TMEM230: variants seen among roughly 807,000 people sequenced by gnomAD.
TMEM230 encodes UPF0414 transmembrane protein C20orf30.
Under a neutral mutation model 15.8 loss-of-function variants are expected in TMEM230, and 10 were observed. The ratio of observed to expected loss-of-function variants is 0.63; its 90% CI spans 0.39 to 1.07. The LOEUF (loss-of-function observed/expected upper bound fraction) is 1.07. Ranked by LOEUF, TMEM230 falls within the 50% of genes least tolerant of loss-of-function variation. The probability of loss-of-function intolerance (pLI) is 0.01; values close to 1 mark genes in which losing one functional copy is unlikely to be tolerated. For synonymous variants in TMEM230, 67 were observed against 76.9 expected, an observed-to-expected ratio of 0.87 and a Z score of 0.68; for missense variants, 165 against 193.3, an observed-to-expected ratio of 0.85 and a Z score of 0.87.
intron 3 of TMEM230, among the ~76,000 whole-genome samples, chr20:5,077,924 T>C (rs2089053758): frequency 6.6e-6 from 1 of 151,910 alleles, no homozygotes; most frequent in African/African-American, 2.4e-5. Flanking sequence ...ACTATGATGG[T>C]AGTGAGTATT....
chr20:5,075,995 G>GC (rs1354851563), intron 3 of TMEM230, among the ~76,000 whole-genome samples: 1 of 151,898 alleles, frequency 6.6e-6, no homozygotes, highest in Non-Finnish European at 1.5e-5. Context: ...TGTGGTACTA[G>GC]CTACTTGTGG....
chr20:5,099,431 G>T (rs1159161972), downstream of TMEM230, among the ~76,000 whole-genome samples: 2 of 151,394 alleles, frequency 1.3e-5, no homozygotes, highest in African/African-American at 2.4e-5. Context: ...TAATCTTGGA[G>T]GCTGCTTCAG....
intron 3 of TMEM230, among the ~76,000 whole-genome samples, chr20:5,088,301 T>C: frequency 7.4e-6 from 1 of 134,462 alleles, no homozygotes. Context: ...GGAGGGAGAC[T>C]CTGTCTCAAA....
rs11287185 is a variant in TMEM230, at chr20:5,086,706, CTT to C, written c.223-17359_223-17358del. Among the ~76,000 whole-genome samples, 1,059 of 145,204 alleles carry C rather than the reference CTT, an allele frequency of 7.3e-3. 10 individuals carry two copies. Among genetic ancestry groups the C allele is most frequent in the African/African-American group, 0.025 (983 of 39,450 alleles). ...AATAAACAATTATTTATCTTTTTAT[CTT>C]TTTTTTTTTGAGGTAGGGTCTTGCT... On this transcript the variant is annotated intron_variant, in intron 3 of 3. Coordinates refer to the TMEM230 transcript ENST00000612323.
In TMEM230 at chr20:5,112,946, GCA is replaced by G. The variant is rs1419731609; in HGVS notation, c.68+13_68+14del. 2.4e-5 allele frequency: 37 copies of G among 1,549,740 alleles called. No individual in the cohort carries two copies. The Middle Eastern group carries it at 8.3e-4, about 35-fold the overall frequency. ...AGGACGGTTCTGTCCCCGCCCTGCC[GCA>G]CACACGCCTTACCGGAGCGCCGCGC... On this transcript the variant is annotated intron_variant, in intron 1 of 4. Coordinates refer to ENST00000342308, the MANE Select transcript of TMEM230 (RefSeq NM_001009923.2).
chr20:5,064,331 C>T (rs563483601), downstream of TMEM230, among the ~76,000 whole-genome samples: 2 of 151,446 alleles, frequency 1.3e-5, no homozygotes, highest in South Asian at 4.2e-4. Context: ...AATCCCAGCA[C>T]TTTGGGAGGC....
rs1380582336 is a variant in TMEM230 at position 5,100,646 on chromosome 20, T to C, written c.*145A>G. On this transcript the variant is annotated 3_prime_UTR_variant, in exon 5 of 5. Coordinates refer to ENST00000342308, the MANE Select transcript of TMEM230 (RefSeq NM_001009923.2). ...CTAACTGTAGGTTCACTTAACATCT[T>C]TGGGAAGGACCCAAAAAATCTGGCC... 4 of 1,453,236 alleles carry C rather than the reference T, an allele frequency of 2.8e-6. No individual in the cohort carries two copies. Among genetic ancestry groups the C allele is most frequent in the East Asian group, 2.4e-5 (1 of 41,838 alleles). 90.0% of individuals were successfully genotyped at this position (1,453,236 alleles called of 1,614,324 possible). A position where few individuals can be genotyped will look rare whatever the true frequency, so the allele number is the denominator to read the frequency against.
chr20:5,103,466 C>G (rs570831664), intron 4 of TMEM230, among the ~76,000 whole-genome samples: 153 of 151,816 alleles, frequency 1.0e-3, no homozygotes, highest in African/African-American at 2.7e-3. Context: ...TCGAGATCAG[C>G]CTGGGCAACA....
intron 3 of TMEM230, 98 bp from the exon 3 acceptor site, chr20:5,106,408 G>T (rs1448421464): frequency 2.1e-6 from 3 of 1,396,534 alleles, no homozygotes; most frequent in Non-Finnish European, 2.8e-6. Flanking sequence ...TTATGTTTTT[G>T]TTTGTTTGTT....
chr20:5,108,036 C>G (rs985187698), intron 3 of TMEM230, among the ~76,000 whole-genome samples: 1 of 151,946 alleles, frequency 6.6e-6, no homozygotes, highest in Non-Finnish European at 1.5e-5. Context: ...ATCACTTGAA[C>G]CAGGAGGGGG....
At chr20:5,093,406 C>A (rs565744524) in intron 3 of TMEM230, among the ~76,000 whole-genome samples, 2 of 152,026 alleles carry the variant, frequency 1.3e-5, no homozygotes, top group South Asian at 4.1e-4. Flanking sequence ...TGCCACCATA[C>A]CTGGCTAATT....
chr20:5,064,988 A>G (rs1238390645), downstream of TMEM230, among the ~76,000 whole-genome samples: 1 of 152,120 alleles, frequency 6.6e-6, no homozygotes, highest in Non-Finnish European at 1.5e-5. Flanking sequence ...CTGGGCCAAC[A>G]AAGTGAGATC....
At chr20:5,059,763 A>AT in the TMEM230 span, among the ~76,000 whole-genome samples, 561 of 61,300 alleles carry the variant, frequency 9.2e-3, 24 homozygotes, top group African/African-American at 0.019. Context: ...CTTCCAGCTA[A>AT]TTTTTTTTTT....
chr20:5,081,438 C>T (rs980768305), intron 3 of TMEM230, among the ~76,000 whole-genome samples: 3 of 152,210 alleles, frequency 2.0e-5, no homozygotes, highest in Non-Finnish European at 4.4e-5. Flanking sequence ...TGGCAGCCCA[C>T]ATGGTTCTCA....
rs557047800 is a variant in TMEM230, at chr20:5,071,649, A to G, written c.223-2300T>C. On this transcript the variant is annotated intron_variant, in intron 3 of 3. Coordinates refer to the TMEM230 transcript ENST00000612323. Reference sequence around the variant, plus strand: ...AAAAAAAAAAAAAAACAAAAAGGGTACATAGATTTATAGTTATAGTGATAC... The same window carrying G: ...AAAAAAAAAAAAAAACAAAAAGGGTGCATAGATTTATAGTTATAGTGATAC... Among the ~76,000 whole-genome samples the G allele has an allele frequency of 2.7e-5, 4 of 148,598 alleles. No individual in the cohort carries two copies. In the South Asian group the frequency reaches 8.6e-4, roughly 32 times the overall value.
At chr20:5,111,659 A>C (rs941757809) in intron 1 of TMEM230, 3 of 211,966 alleles carry the variant, frequency 1.4e-5, no homozygotes, top group Non-Finnish European at 8.0e-6. Flanking sequence ...TCAGTATTTC[A>C]ATAAGGGCAT....
Position 5,083,285 on chromosome 20 carries a change from A to AT in TMEM230, c.223-13937dup, listed in dbSNP as rs71197748. Among the ~76,000 whole-genome samples, 1,147 of 119,872 alleles carry AT rather than the reference A, an allele frequency of 9.6e-3. 4 individuals carry two copies. Among genetic ancestry groups the AT allele is most frequent in the East Asian group, 0.018 (71 of 3,936 alleles). The allele number at this position is 119,872 out of a possible 152,430, so 78.6% of individuals were successfully genotyped here. A position where few individuals can be genotyped will look rare whatever the true frequency, so the allele number is the denominator to read the frequency against. On this transcript the variant is annotated intron_variant, in intron 3 of 3. Transcript: ENST00000612323. The stretch of plus-strand genomic sequence containing the variant: ...CATCTTTTTGAAGTTGGTTAGGGAG[A>AT]TTTTTTTTTTTTTTTTTTTTTTTTT...
intron 3 of TMEM230, among the ~76,000 whole-genome samples, chr20:5,082,866 G>A (rs1005028242): frequency 7.2e-5 from 11 of 151,872 alleles, no homozygotes; most frequent in African/African-American, 2.4e-4. Flanking sequence ...ATTTTAATGG[G>A]AAGGTATTTG....
intron 3 of TMEM230, among the ~76,000 whole-genome samples, chr20:5,092,581 T>C (rs2089541333): frequency 6.6e-6 from 1 of 152,024 alleles, no homozygotes; most frequent in Admixed American, 6.6e-5. Context: ...GCCCAGGTGG[T>C]GGCACATGCC....
Sources: allele counts gnomAD v4.1 joint callset (sites outside exome capture counted in the v4.1 genomes callset), GRCh38; gene constraint gnomAD v4.1.1; transcripts MANE v1.5; gene names NCBI Gene and HGNC (gene_info 2026-07-23, HGNC 2026-07-21).